Variants in SGCZ observed in about 807,000 individuals in gnomAD.
SGCZ encodes sarcoglycan zeta.
In SGCZ, 40 loss-of-function variants were observed where a neutral mutation model predicts 41.3. That is an observed-to-expected ratio of 0.97 (90% CI 0.75 to 1.26). The LOEUF (loss-of-function observed/expected upper bound fraction) is 1.26, where lower values mean the gene tolerates loss of function less well. Ranked by LOEUF, SGCZ falls within the 50% of genes most tolerant of loss-of-function variation. The pLI is 0.00. For missense variants in SGCZ, 552 were observed against 369.8 expected (o/e 1.49, Z -4.04); for synonymous variants, 206 against 137.5 (o/e 1.50, Z -3.49).
chr8:14,918,538 G>A (rs1045937971), intron 1 of SGCZ, among the ~76,000 whole-genome samples: 10 of 152,170 alleles, frequency 6.6e-5, no homozygotes, highest in Admixed American at 1.3e-4. Flanking sequence ...CTCATTTGAA[G>A]TCCAAGGATA....
rs541131868 is a variant in SGCZ at position 14,719,923 on chromosome 8, C to T, written c.40-164997G>A. ...CTTTTGGTGTTTTAGACATGAAGTC[C>T]TTGTCCATGCCTATGTCCTGAATGG... On this transcript the variant is annotated intron_variant, in intron 1 of 7. Coordinates refer to ENST00000382080, the MANE Select transcript of SGCZ (RefSeq NM_139167.4). 1.1e-3 allele frequency among the ~76,000 whole-genome samples: 172 copies of T among 152,074 alleles called. 1 individual carries two copies. Among genetic ancestry groups the T allele is most frequent in the Middle Eastern group, 6.8e-3 (2 of 294 alleles).
intron 1 of SGCZ, among the ~76,000 whole-genome samples, chr8:14,784,039 T>C (rs1036677286): frequency 9.5e-5 from 13 of 136,416 alleles, no homozygotes; most frequent in Non-Finnish European, 1.7e-4. Flanking sequence ...TTTCAGATTG[T>C]AATTTAATTT....
chr8:14,111,298 T>A (rs1388601988), intron 5 of SGCZ, among the ~76,000 whole-genome samples: 1 of 152,124 alleles, frequency 6.6e-6, no homozygotes, highest in East Asian at 1.9e-4. Context: ...TCAAAATTAG[T>A]AAGACATCAT....
intron 4 of SGCZ, among the ~76,000 whole-genome samples, chr8:14,183,033 T>G: frequency 7.1e-6 from 1 of 141,670 alleles, no homozygotes; most frequent in East Asian, 2.0e-4. Context: ...AAAAAAAAAT[T>G]ACTAATGTGT....
Position 15,154,682 on chromosome 8 carries a change from C to T in SGCZ, c.39+82903G>A, listed in dbSNP as rs77768835. Among the ~76,000 whole-genome samples, 125 of 152,196 alleles carry T rather than the reference C, an allele frequency of 8.2e-4. 2 individuals are homozygous for T. The East Asian group carries it at 0.02, about 25-fold the overall frequency. ...AAGGAAGCAACCATCCTTCAGAAACCATTTGAAGAGGGCTTTGCATTTAAA... is the reference window on the plus strand; with the variant it reads ...AAGGAAGCAACCATCCTTCAGAAACTATTTGAAGAGGGCTTTGCATTTAAA... On this transcript the variant is annotated intron_variant, in intron 1 of 7. Coordinates refer to ENST00000382080, the MANE Select transcript of SGCZ (RefSeq NM_139167.4).
At chr8:14,263,211 G>A (rs745357537) in intron 3 of SGCZ, among the ~76,000 whole-genome samples, 1 of 152,144 alleles carries the variant, frequency 6.6e-6, no homozygotes, top group Middle Eastern at 3.2e-3. Flanking sequence ...TAGTTTATGA[G>A]AGGTTAAAAA....
At chr8:14,814,261 G>A (rs915754109) in intron 1 of SGCZ, among the ~76,000 whole-genome samples, 9 of 152,102 alleles carry the variant, frequency 5.9e-5, no homozygotes, top group Middle Eastern at 3.2e-3. Context: ...ACCTGACTAC[G>A]CCTCTACCTC....
chr8:14,843,244 T>C (rs1418251631), intron 1 of SGCZ, among the ~76,000 whole-genome samples: 1 of 152,090 alleles, frequency 6.6e-6, no homozygotes, highest in East Asian at 1.9e-4. Context: ...AGTTTCTATG[T>C]ACATAGATAT....
chr8:14,292,110 T>C (rs537469174), intron 3 of SGCZ, among the ~76,000 whole-genome samples: 2 of 152,226 alleles, frequency 1.3e-5, no homozygotes, highest in East Asian at 1.9e-4. Context: ...TAGTGTTTTA[T>C]TTTACCAAGC....
intron 3 of SGCZ, among the ~76,000 whole-genome samples, chr8:14,275,966 T>G (rs1362156677): frequency 1.3e-5 from 2 of 152,236 alleles, no homozygotes; most frequent in African/African-American, 4.8e-5. Flanking sequence ...TCTCTCAGGC[T>G]GAGTCAAAAA....
chr8:14,574,514 G>A (rs1351874452), intron 1 of SGCZ, among the ~76,000 whole-genome samples: 1 of 152,162 alleles, frequency 6.6e-6, no homozygotes, highest in Non-Finnish European at 1.5e-5. Flanking sequence ...CTAACAAGAG[G>A]CAAAGAAGAA....
chr8:14,642,115 A>G (rs1162282153), intron 1 of SGCZ, among the ~76,000 whole-genome samples: 1 of 151,720 alleles, frequency 6.6e-6, no homozygotes, highest in Non-Finnish European at 1.5e-5. Flanking sequence ...CAGGAGTCTC[A>G]GAGCACAGCC....
At chr8:14,427,093 T>TGAATGAGTGAATGAAC (rs1799809137) in intron 2 of SGCZ, among the ~76,000 whole-genome samples, 1 of 121,378 alleles carries the variant, frequency 8.2e-6, no homozygotes, top group African/African-American at 5.8e-5. Flanking sequence ...AATGAGTGAA[T>TGAATGAGTGAATGAAC]GAATGAATGA....
intron 1 of SGCZ, among the ~76,000 whole-genome samples, chr8:15,151,387 A>G (rs1252309936): frequency 6.6e-6 from 1 of 152,262 alleles, no homozygotes; most frequent in Non-Finnish European, 1.5e-5. Flanking sequence ...ATGCTACAAT[A>G]GATTACAAAT....
At chr8:14,571,388 C>T (rs950033435) in intron 1 of SGCZ, among the ~76,000 whole-genome samples, 30 of 152,244 alleles carry the variant, frequency 2.0e-4, no homozygotes, top group African/African-American at 7.0e-4. Flanking sequence ...GTAATCAAAC[C>T]AAGTAGTCAC....
chr8:14,559,467 C>T (rs141044689), intron 1 of SGCZ, among the ~76,000 whole-genome samples: 7 of 151,992 alleles, frequency 4.6e-5, no homozygotes, highest in African/African-American at 7.2e-5. Context: ...AAAACACTAC[C>T]GAAAGAAATT....
intron 2 of SGCZ, among the ~76,000 whole-genome samples, chr8:14,335,744 G>C (rs1003071747): frequency 1.3e-5 from 2 of 151,890 alleles, no homozygotes; most frequent in Admixed American, 6.6e-5. Flanking sequence ...CAGAACTTTC[G>C]AGTTACAGCG....
chr8:14,892,041 T>C (rs993907275), intron 1 of SGCZ, among the ~76,000 whole-genome samples: 6 of 152,252 alleles, frequency 3.9e-5, no homozygotes, highest in South Asian at 2.1e-4. Context: ...CTTGCTTTAA[T>C]GCAGTGGGCT....
In SGCZ at chr8:15,026,526, T is replaced by C. The variant is rs116775378; in HGVS notation, c.39+211059A>G. ...ATAAAGAAGTTCAAACAAAAATGCA[T>C]TGATTCCCATTTTTATGTATTGTCA... On this transcript the variant is annotated intron_variant, in intron 1 of 7. Coordinates refer to ENST00000382080, the MANE Select transcript of SGCZ (RefSeq NM_139167.4). Among the ~76,000 whole-genome samples the C allele has an allele frequency of 6.2e-3, 945 of 152,300 alleles. 7 individuals are homozygous for C. The highest frequency in any genetic ancestry group is 0.022 in the African/African-American group (916 of 41,570).
Sources: allele counts gnomAD v4.1 joint callset (sites outside exome capture counted in the v4.1 genomes callset), GRCh38; gene constraint gnomAD v4.1.1; transcripts MANE v1.5; gene names NCBI Gene and HGNC (gene_info 2026-07-23, HGNC 2026-07-21).